Variants in XCR1 observed in about 807,000 individuals in gnomAD.
XCR1 encodes the protein X-C motif chemokine receptor 1, also known as chemokine XC receptor 1.
For synonymous variants in XCR1, 187 were observed against 188.5 expected (o/e 0.99, Z 0.06); for missense variants, 356 against 424.2 (o/e 0.84, Z 1.41).
At chr3:46,031,808 G>A (rs1708399846), upstream of XCR1, among the ~76,000 whole-genome samples, 1 of 152,210 alleles carries the variant, frequency 6.6e-6, no homozygotes, top group African/African-American at 2.4e-5. Flanking sequence ...TTTGGGAAGA[G>A]GATGGAGAGA....
chr3:46,045,485 C>T (rs1429347624), intron 5 of XCR1, among the ~76,000 whole-genome samples: 1 of 151,856 alleles, frequency 6.6e-6, no homozygotes, highest in African/African-American at 2.4e-5. Flanking sequence ...TAATGTAATC[C>T]ATCACATCAG....
In XCR1 at chr3:46,019,351, C is replaced by A. The variant is rs896595025; in HGVS notation, c.*1595G>T. The A allele has an allele frequency of 2.0e-5, 3 of 152,300 alleles. No homozygotes were observed. The highest frequency in any genetic ancestry group is 3.4e-3 in the Middle Eastern group (1 of 294). The allele number at this position is 152,300 out of a possible 1,614,324, so 9.4% of individuals were successfully genotyped here. On this transcript the variant is annotated 3_prime_UTR_variant, in exon 2 of 2. Transcript: ENST00000309285. ...CCACTGAGCACACAGTGATAGAACA[C>A]TGGGGTTCAAGACCAGGTTCCTGCC...
intron 5 of XCR1, among the ~76,000 whole-genome samples, chr3:46,037,457 T>G (rs1697450078): frequency 6.6e-6 from 1 of 152,040 alleles, no homozygotes; most frequent in Non-Finnish European, 1.5e-5. Context: ...ATGAGAAAGA[T>G]CTTGTATGGT....
At chr3:46,029,382 A>G (rs917935285), upstream of XCR1, among the ~76,000 whole-genome samples, 15 of 152,046 alleles carry the variant, frequency 9.9e-5, no homozygotes, top group Non-Finnish European at 4.4e-5. Context: ...TTTTATAGAG[A>G]CAGGGTTTTA....
rs1343147881 is a variant in XCR1 at position 46,020,309 on chromosome 3, A to C, written c.*637T>G. On this transcript the variant is annotated 3_prime_UTR_variant, in exon 2 of 2. Coordinates refer to ENST00000309285, the MANE Select transcript of XCR1 (RefSeq NM_001024644.2). ...TCATTCCTTCAATCAAATATTTATGAGCTAAATTTTTAAGGGCCAGTTCGT... is the reference window on the plus strand; with the variant it reads ...TCATTCCTTCAATCAAATATTTATGCGCTAAATTTTTAAGGGCCAGTTCGT... 6.6e-6 allele frequency: 1 copy of C among 152,442 alleles called. No individual in the cohort carries two copies. The highest frequency in any genetic ancestry group is 1.5e-5 in the Non-Finnish European group (1 of 68,204). The allele number at this position is 152,442 out of a possible 1,614,324, so 9.4% of individuals were successfully genotyped here.
chr3:46,064,729 C>G (rs1299469103), intron 4 of XCR1, among the ~76,000 whole-genome samples: 4 of 152,216 alleles, frequency 2.6e-5, no homozygotes, highest in Non-Finnish European at 4.4e-5. Context: ...AGCTCTCCAG[C>G]CTTCTCTGCT....
intron 5 of XCR1, among the ~76,000 whole-genome samples, chr3:46,044,669 T>C (rs1237411126): frequency 6.6e-6 from 1 of 151,512 alleles, no homozygotes; most frequent in Non-Finnish European, 1.5e-5. Context: ...AAAAGAGGAG[T>C]CATTACTACT....
intron 3 of XCR1, among the ~76,000 whole-genome samples, chr3:46,068,284 C>A (rs1459526624): frequency 2.0e-5 from 3 of 152,118 alleles, no homozygotes; most frequent in Non-Finnish European, 4.4e-5. Context: ...CGGTGGCTCT[C>A]ATTGGGTGCA....
In XCR1 at chr3:46,053,317, G is replaced by A. The variant is rs184971329; in HGVS notation, c.-32+603C>T. Among the ~76,000 whole-genome samples the A allele has an allele frequency of 6.0e-4, 87 of 145,892 alleles. 3 individuals carry two copies. In the East Asian group the frequency reaches 0.015, roughly 25 times the overall value. On this transcript the variant is annotated intron_variant, in intron 5 of 5. Coordinates refer to the XCR1 transcript ENST00000683768. The stretch of plus-strand genomic sequence containing the variant: ...GTGGATTATTTGGATCAGGACTTAC[G>A]GAAATAGGAAAAGCACGAGGTCCTA...
At chr3:46,063,473 T>A (rs1167023488) in intron 4 of XCR1, among the ~76,000 whole-genome samples, 2 of 152,142 alleles carry the variant, frequency 1.3e-5, no homozygotes, top group Admixed American at 1.3e-4. Context: ...GACCCCTGAG[T>A]TCCCCTGTCT....
intron 5 of XCR1, among the ~76,000 whole-genome samples, chr3:46,052,730 C>T (rs979649757): frequency 1.3e-5 from 2 of 152,166 alleles, no homozygotes; most frequent in Non-Finnish European, 2.9e-5. Flanking sequence ...TGCCAGTGCG[C>T]GTTCATAATC....
upstream of XCR1, among the ~76,000 whole-genome samples, chr3:46,029,914 T>C (rs114350337): frequency 6.6e-6 from 1 of 152,226 alleles, no homozygotes; most frequent in African/African-American, 2.4e-5. Flanking sequence ...TAAGTATTTT[T>C]ATGCTATTGT....
chr3:46,072,985 A>G (rs980838737), intron 3 of XCR1, among the ~76,000 whole-genome samples: 2 of 152,186 alleles, frequency 1.3e-5, no homozygotes, highest in Non-Finnish European at 2.9e-5. Context: ...GAGACAATTG[A>G]TCTTTGACAG....
chr3:46,045,598 A>G (rs537853552), intron 5 of XCR1, among the ~76,000 whole-genome samples: 2 of 152,340 alleles, frequency 1.3e-5, no homozygotes, highest in African/African-American at 4.8e-5. Flanking sequence ...TCAGCAAACT[A>G]GAAATATATG....
At chr3:46,037,324 A>G (rs1213196802) in intron 5 of XCR1, among the ~76,000 whole-genome samples, 2 of 152,110 alleles carry the variant, frequency 1.3e-5, no homozygotes, top group Non-Finnish European at 2.9e-5. Flanking sequence ...GGAACCAGTA[A>G]ATAGGGGAGA....
chr3:46,083,602 A>T (rs146049641), intron 1 of XCR1, among the ~76,000 whole-genome samples: 3 of 152,196 alleles, frequency 2.0e-5, no homozygotes, highest in African/African-American at 7.2e-5. Context: ...TCCCATGAAC[A>T]CATGATCTAA....
At chr3:46,026,720 C>A (rs1386763394) in intron 1 of XCR1, among the ~76,000 whole-genome samples, 3 of 151,560 alleles carry the variant, frequency 2.0e-5, no homozygotes, top group Admixed American at 2.0e-4. Flanking sequence ...GTAGCTAGGA[C>A]TACAGGTGCC....
intron 5 of XCR1, among the ~76,000 whole-genome samples, chr3:46,048,495 A>T (rs1697676350): frequency 6.6e-6 from 1 of 151,734 alleles, no homozygotes; most frequent in South Asian, 2.1e-4. Context: ...CCCTCTTTGC[A>T]CTCAGGCTCA....
intron 3 of XCR1, among the ~76,000 whole-genome samples, chr3:46,072,028 C>T (rs975695209): frequency 2.0e-5 from 3 of 152,080 alleles, no homozygotes; most frequent in African/African-American, 7.2e-5. Context: ...ATTATTTCTG[C>T]TTGCTGAGGT....
Sources: allele counts gnomAD v4.1 joint callset (sites outside exome capture counted in the v4.1 genomes callset), GRCh38; gene constraint gnomAD v4.1.1; transcripts MANE v1.5; gene names NCBI Gene and HGNC (gene_info 2026-07-23, HGNC 2026-07-21).